PLA2G4A: variants seen among roughly 807,000 people sequenced by gnomAD.
The protein encoded by PLA2G4A is cytosolic phospholipase A2.
Under a neutral mutation model 81.9 loss-of-function variants are expected in PLA2G4A, and 40 were observed. The ratio of observed to expected loss-of-function variants is 0.49; its 90% CI spans 0.38 to 0.64. The LOEUF (loss-of-function observed/expected upper bound fraction) is 0.64. Among genes scored for constraint, PLA2G4A ranks in the 30% least tolerant of loss-of-function variants. The pLI is 0.00. For missense variants in PLA2G4A, 715 were observed against 905.1 expected (o/e 0.79, Z 2.69); for synonymous variants, 302 against 296.9 (o/e 1.02, Z -0.18).
chr1:186,877,445 G>A (rs1484476828), intron 3 of PLA2G4A, among the ~76,000 whole-genome samples: 1 of 151,930 alleles, frequency 6.6e-6, no homozygotes, highest in African/African-American at 2.4e-5. Context: ...CTGTGCATTT[G>A]ACTAATTTTC....
At chr1:186,935,191 T>C (rs1001944963) in intron 8 of PLA2G4A, among the ~76,000 whole-genome samples, 2 of 151,992 alleles carry the variant, frequency 1.3e-5, no homozygotes, top group Middle Eastern at 3.2e-3. Flanking sequence ...CTGGGTTTGG[T>C]TAGTGGTTTT....
intron 15 of PLA2G4A, among the ~76,000 whole-genome samples, chr1:186,974,086 G>T (rs1165723420): frequency 6.6e-6 from 1 of 151,348 alleles, no homozygotes; most frequent in African/African-American, 2.4e-5. Flanking sequence ...ATAAATAAAT[G>T]TGTTGTTTCA....
At chr1:186,836,703 A>G (rs1651790359) in intron 1 of PLA2G4A, among the ~76,000 whole-genome samples, 1 of 152,180 alleles carries the variant, frequency 6.6e-6, no homozygotes, top group African/African-American at 2.4e-5. Context: ...TCCTTCGCTA[A>G]TTCAGTCAGT....
At chr1:186,987,340 C>T (rs923596343) in intron 17 of PLA2G4A, among the ~76,000 whole-genome samples, 14 of 152,248 alleles carry the variant, frequency 9.2e-5, no homozygotes, top group Admixed American at 2.0e-4. Flanking sequence ...ACTGATCAGA[C>T]TTGCCAAGTA....
chr1:186,869,022 T>C (rs999177823), intron 2 of PLA2G4A, among the ~76,000 whole-genome samples: 2 of 152,066 alleles, frequency 1.3e-5, no homozygotes, highest in African/African-American at 4.8e-5. Context: ...ATTTCCTGTT[T>C]CCAATTTTAT....
chr1:186,977,005 C>G (rs1657558111), intron 15 of PLA2G4A, among the ~76,000 whole-genome samples: 1 of 152,138 alleles, frequency 6.6e-6, no homozygotes, highest in African/African-American at 2.4e-5. Context: ...TTAACTAAGC[C>G]CTTGGTACAT....
At chr1:186,943,988 C>T (rs1656249936) in intron 10 of PLA2G4A, among the ~76,000 whole-genome samples, 1 of 152,068 alleles carries the variant, frequency 6.6e-6, no homozygotes, top group Non-Finnish European at 1.5e-5. Flanking sequence ...TATCACTGTG[C>T]TTTTGTGATA....
At chr1:186,905,557 A>G (rs1222906716) in intron 5 of PLA2G4A, among the ~76,000 whole-genome samples, 8 of 152,194 alleles carry the variant, frequency 5.3e-5, no homozygotes, top group African/African-American at 9.7e-5. Context: ...AAAAATATGT[A>G]TATGCTTCTT....
intron 15 of PLA2G4A, among the ~76,000 whole-genome samples, 192 bp from the exon 16 acceptor site, chr1:186,977,401 A>G (rs901163679): frequency 5.9e-5 from 9 of 152,348 alleles, no homozygotes; most frequent in Admixed American, 1.3e-4. Flanking sequence ...AAGAATTAAC[A>G]TAACAATAGT....
chr1:186,986,885 C>G (rs1348826131), intron 17 of PLA2G4A, among the ~76,000 whole-genome samples: 1 of 152,220 alleles, frequency 6.6e-6, no homozygotes, highest in Non-Finnish European at 1.5e-5. Context: ...CATCTTTTGT[C>G]ATCACAGAAT....
chr1:186,861,526 T>G (rs1652802887), intron 2 of PLA2G4A, among the ~76,000 whole-genome samples: 1 of 152,188 alleles, frequency 6.6e-6, no homozygotes, highest in Non-Finnish European at 1.5e-5. Flanking sequence ...ATAGTTACTT[T>G]TAGTGGGCAA....
chr1:186,871,362 A>T (rs1466770931), intron 3 of PLA2G4A, among the ~76,000 whole-genome samples: 1 of 152,192 alleles, frequency 6.6e-6, no homozygotes, highest in Non-Finnish European at 1.5e-5. Context: ...TGAATTTGAT[A>T]ACATCTTAGA....
At chr1:186,948,024 T>G (rs1656403620) in intron 12 of PLA2G4A, among the ~76,000 whole-genome samples, 1 of 152,198 alleles carries the variant, frequency 6.6e-6, no homozygotes, top group South Asian at 2.1e-4. Flanking sequence ...TAACATTAAT[T>G]GGAACATTAA....
intron 3 of PLA2G4A, among the ~76,000 whole-genome samples, chr1:186,886,872 G>A (rs1454336488): frequency 1.3e-5 from 2 of 152,050 alleles, no homozygotes; most frequent in Non-Finnish European, 2.9e-5. Context: ...ATTTTTCTGT[G>A]GGTGTTATTA....
chr1:186,858,998 T>C (rs1652700264), intron 2 of PLA2G4A, among the ~76,000 whole-genome samples: 2 of 152,078 alleles, frequency 1.3e-5, no homozygotes, highest in Admixed American at 6.6e-5. Context: ...TTTTTCAAAA[T>C]ATATAAATGA....
At chr1:186,915,094 T>C (rs1655092513) in intron 7 of PLA2G4A, among the ~76,000 whole-genome samples, 1 of 152,182 alleles carries the variant, frequency 6.6e-6, no homozygotes, top group Non-Finnish European at 1.5e-5. Flanking sequence ...CTGGGAACCA[T>C]TTTCCAAACA....
chr1:186,950,314 A>T (rs1656511117), intron 12 of PLA2G4A, among the ~76,000 whole-genome samples: 2 of 152,210 alleles, frequency 1.3e-5, no homozygotes, highest in Non-Finnish European at 2.9e-5. Flanking sequence ...ACTTAAAAAT[A>T]TCTAATAAAG....
intron 15 of PLA2G4A, among the ~76,000 whole-genome samples, chr1:186,970,621 A>G (rs1305146953): frequency 6.6e-6 from 1 of 152,024 alleles, no homozygotes; most frequent in Non-Finnish European, 1.5e-5. Flanking sequence ...ATTTTTCTGC[A>G]TGTGGATATT....
At chr1:186,980,107 C>T (rs1247034387) in intron 17 of PLA2G4A, among the ~76,000 whole-genome samples, 3 of 152,042 alleles carry the variant, frequency 2.0e-5, no homozygotes, top group Non-Finnish European at 4.4e-5. Flanking sequence ...GCCACCACGC[C>T]CGGCTAATTT....
Sources: gnomAD v4.1 joint callset for allele counts (sites outside exome capture counted in the v4.1 genomes callset) on GRCh38, gnomAD v4.1.1 for gene constraint, MANE v1.5 for transcripts, NCBI Gene and HGNC (gene_info 2026-07-23, HGNC 2026-07-21) for gene names.